Variants in SPI1 observed in about 807,000 individuals in gnomAD.
SPI1 encodes the protein Spi-1 proto-oncogene.
A neutral mutation model predicts 30.7 loss-of-function variants in SPI1; 3 were observed. The observed-to-expected ratio is 0.10, with a 90% confidence interval of 0.04 to 0.25. SPI1 has a LOEUF of 0.25. SPI1 is among the 10% of genes least tolerant of loss of function. SPI1 has a pLI of 1.00. For missense variants in SPI1, 261 were observed against 371.5 expected, an observed-to-expected ratio of 0.70 and a Z score of 2.45; for synonymous variants, 169 against 157.1, an observed-to-expected ratio of 1.08 and a Z score of -0.56.
rs755455530 is a variant in SPI1, at chr11:47,378,269, G to C, written c.45+40C>G. ...CGTGGGCAGGCAGGCAGGCGTCCGAGGGCCACGGGTTGGGCTGGTGGAGGA... is the reference window on the plus strand; with the variant it reads ...CGTGGGCAGGCAGGCAGGCGTCCGACGGCCACGGGTTGGGCTGGTGGAGGA... On this transcript the variant is annotated intron_variant, in intron 1 of 4. Transcript: ENST00000378538. 28 of 1,607,500 alleles carry C rather than the reference G, an allele frequency of 1.7e-5. No individual in the cohort carries two copies. The Admixed American group carries it at 4.5e-4, about 26-fold the overall frequency.
chr11:47,366,924 T>A (rs1258177640), intron 2 of SPI1, among the ~76,000 whole-genome samples: 1 of 152,228 alleles, frequency 6.6e-6, no homozygotes, highest in Non-Finnish European at 1.5e-5. Flanking sequence ...TTCTAATTAT[T>A]AGAGTTTTAA....
chr11:47,366,681 C>T (rs983292045), intron 2 of SPI1, among the ~76,000 whole-genome samples: 11 of 152,008 alleles, frequency 7.2e-5, no homozygotes, highest in Admixed American at 5.3e-4. Flanking sequence ...ATTAGCTGGG[C>T]GTGGTGGCAG....
rs377422572 is a variant in SPI1 at position 47,362,570 on chromosome 11, CTTTTTTTT to C, written c.143-2538_143-2531del. On this transcript the variant is annotated intron_variant, in intron 2 of 4. Transcript: ENST00000378538. Reference sequence around the variant, plus strand: ...TGGGTGACAGAGTGAGACCCTGTCTCTTTTTTTTTTTTTTTTTTTTTCTCTGAGATGAA... The same window carrying C: ...TGGGTGACAGAGTGAGACCCTGTCTCTTTTTTTTTTTTTCTCTGAGATGAA... Among the ~76,000 whole-genome samples, 857 of 108,038 alleles carry C rather than the reference CTTTTTTTT, an allele frequency of 7.9e-3. 6 individuals are homozygous for C. The highest frequency in any genetic ancestry group is 0.01 in the Non-Finnish European group (580 of 56,190). 70.9% of individuals were successfully genotyped at this position (108,038 alleles called of 152,430 possible).
At position 47,355,425 on chromosome 11, in the gene SPI1, G is replaced by C. The variant is rs1447564807; in HGVS notation, c.615C>G (p.His205Gln). 1.2e-6 allele frequency: 2 copies of C among 1,613,824 alleles called. No homozygotes were observed. Among genetic ancestry groups the C allele is most frequent in the East Asian group, 2.2e-5 (1 of 44,880 alleles). Residue 205 changes from histidine (H) to glutamine (Q), a missense_variant, in exon 5 of 5, where the codon CAC becomes CAG. Transcript: ENST00000378538. ...CCCAGCGGTGCGCCAGCGCCTCCTT[G>C]TGCTTGGACGAGAACTGGAAGGTGC... is the stretch of plus-strand genomic sequence containing the variant. The part of the protein sequence containing the change: ...DKGTFQFSSK[H>Q]KEALAHRWGI...
At chr11:47,376,149 C>T (rs184428113) in intron 1 of SPI1, among the ~76,000 whole-genome samples, 162 of 152,128 alleles carry the variant, frequency 1.1e-3, no homozygotes, top group African/African-American at 3.6e-3. Context: ...CACCCCCATG[C>T]AGGCGCCTGC....
At chr11:47,368,080 A>T (rs1330333126) in intron 2 of SPI1, among the ~76,000 whole-genome samples, 2 of 152,106 alleles carry the variant, frequency 1.3e-5, no homozygotes, top group Non-Finnish European at 2.9e-5. Context: ...TAAAACTAAA[A>T]ATAGGCCGGG....
intron 4 of SPI1, among the ~76,000 whole-genome samples, chr11:47,357,981 C>G (rs905785111): frequency 6.6e-6 from 1 of 151,320 alleles, no homozygotes; most frequent in Admixed American, 6.6e-5. Flanking sequence ...CACGTCCTCA[C>G]CCCCCACACA....
intron 2 of SPI1, among the ~76,000 whole-genome samples, chr11:47,369,645 T>G (rs753263824): frequency 6.6e-6 from 1 of 151,590 alleles, no homozygotes; most frequent in African/African-American, 2.4e-5. Flanking sequence ...GGTATCAGAC[T>G]TCATAGGAAA....
chr11:47,366,692 G>C (rs183369198), intron 2 of SPI1, among the ~76,000 whole-genome samples: 50 of 152,218 alleles, frequency 3.3e-4, no homozygotes, highest in African/African-American at 1.1e-3. Context: ...GTGGTGGCAG[G>C]CATCTGTAAT....
At chr11:47,357,960 A>C (rs1455506722) in intron 4 of SPI1, among the ~76,000 whole-genome samples, 1 of 151,332 alleles carries the variant, frequency 6.6e-6, no homozygotes, top group Non-Finnish European at 1.5e-5. Flanking sequence ...TCACACACGC[A>C]GGTGCTTAAG....
intron 4 of SPI1, among the ~76,000 whole-genome samples, chr11:47,356,222 C>A (rs1457975900): frequency 6.6e-6 from 1 of 151,564 alleles, no homozygotes; most frequent in African/African-American, 2.4e-5. Context: ...CACATGCTCA[C>A]ACACTCATTC....
At chr11:47,356,954 TCACACATGCTCACGTCTGCTCA>T (rs2095911295) in intron 4 of SPI1, among the ~76,000 whole-genome samples, 4 of 143,508 alleles carry the variant, frequency 2.8e-5, no homozygotes, top group Non-Finnish European at 6.2e-5. Context: ...ACACACCCAC[TCACACATGCTCACGTCTGCTCA>T]CACACATGCT....
chr11:47,363,392 G>A (rs1346245416), intron 2 of SPI1, among the ~76,000 whole-genome samples: 1 of 151,962 alleles, frequency 6.6e-6, no homozygotes, highest in Admixed American at 6.6e-5. Flanking sequence ...GTGATGGCAG[G>A]CGCCTGTAAT....
chr11:47,359,152 A>G lies in SPI1; in HGVS notation c.331-146T>C. On this transcript the variant is annotated intron_variant, in intron 3 of 4. Transcript: ENST00000378538. The surrounding 1 kb of genome is among the most constrained non-coding windows in gnomAD (Gnocchi z 5.1). Reference sequence around the variant, plus strand: ...GGAGACTGGAGGAAGAAGACCAGGGAAAAGGGGGGCCAGTTGAGGTGCTGC... The same window carrying G: ...GGAGACTGGAGGAAGAAGACCAGGGGAAAGGGGGGCCAGTTGAGGTGCTGC... 1 of 694,856 alleles carries G rather than the reference A, an allele frequency of 1.4e-6. No homozygotes were observed. 43.0% of individuals were successfully genotyped at this position (694,856 alleles called of 1,614,324 possible). A position where few individuals can be genotyped will look rare whatever the true frequency, so the allele number is the denominator to read the frequency against.
In SPI1 at chr11:47,358,218, A is replaced by C. The variant is rs1028643015; in HGVS notation, c.493+626T>G. On this transcript the variant is annotated intron_variant, in intron 4 of 4. Coordinates refer to ENST00000378538, the MANE Select transcript of SPI1 (RefSeq NM_003120.3). ...CCATTCACACACACTTATATCACACACATCCCTGCTTACATACACATTCAC... is the reference window on the plus strand; with the variant it reads ...CCATTCACACACACTTATATCACACCCATCCCTGCTTACATACACATTCAC... The C allele has an allele frequency of 1.5e-4, 48 of 312,054 alleles. No homozygotes were observed. The South Asian group carries it at 1.7e-3, about 11-fold the overall frequency. The allele number at this position is 312,054 out of a possible 1,614,324, so 19.3% of individuals were successfully genotyped here. A position where few individuals can be genotyped will look rare whatever the true frequency, so the allele number is the denominator to read the frequency against.
chr11:47,358,590 TACAC>T (rs1192941904), intron 4 of SPI1: 1 of 703,526 alleles, frequency 1.4e-6, no homozygotes, highest in Admixed American at 2.0e-5. Flanking sequence ...CACCCAGATG[TACAC>T]ACACTCATGG....
At position 47,355,225 on chromosome 11, in the gene SPI1, G is replaced by T; in HGVS notation, c.*2C>A. 1 of 1,373,902 alleles carries T rather than the reference G, an allele frequency of 7.3e-7. No individual in the cohort carries two copies. Among genetic ancestry groups the T allele is most frequent in the Non-Finnish European group, 9.3e-7 (1 of 1,069,610 alleles). 85.1% of individuals were successfully genotyped at this position (1,373,902 alleles called of 1,614,324 possible). ...TGGCGGGGCCCGGCGGGGGCTGCGG[G>T]CTCAGTGGGGCGGGTGGCGCCGCTC... On this transcript the variant is annotated 3_prime_UTR_variant, in exon 5 of 5. Transcript: ENST00000378538.
At chr11:47,368,398 G>A (rs535339644) in intron 2 of SPI1, among the ~76,000 whole-genome samples, 44 of 152,252 alleles carry the variant, frequency 2.9e-4, no homozygotes, top group African/African-American at 9.6e-4. Flanking sequence ...ATATGATCTA[G>A]CAATCCTACT....
chr11:47,361,426 G>A (rs1214169954), intron 2 of SPI1, among the ~76,000 whole-genome samples: 1 of 152,214 alleles, frequency 6.6e-6, no homozygotes, highest in Non-Finnish European at 1.5e-5. Context: ...CTGTGGTGGA[G>A]GAGACTGAAG....
Sources: gnomAD v4.1 joint callset for allele counts (sites outside exome capture counted in the v4.1 genomes callset) on GRCh38, gnomAD v4.1.1 for gene constraint, Gnocchi (gnomAD v3.1) non-coding constraint, MANE v1.5 for transcripts, NCBI Gene and HGNC (gene_info 2026-07-23, HGNC 2026-07-21) for gene names.